PCDHA10: variants seen among roughly 807,000 people sequenced by gnomAD.
PCDHA10 encodes protocadherin alpha 10, also known as protocadherin alpha-10.
A neutral mutation model predicts 61.2 loss-of-function variants in PCDHA10; 45 were observed. The observed-to-expected ratio is 0.74, with a 90% CI of 0.58 to 0.94. The LOEUF is 0.94. Ranked by LOEUF, PCDHA10 falls within the 40% of genes least tolerant of loss-of-function variation. PCDHA10 has a pLI of 0.00. For synonymous variants in PCDHA10, 602 were observed against 548.8 expected (o/e 1.10, Z -1.35); for missense variants, 1,278 against 1,236.2 (o/e 1.03, Z -0.51).
intron 1 of PCDHA10, among the ~76,000 whole-genome samples, chr5:140,906,929 C>T (rs1488297059): frequency 3.9e-5 from 6 of 152,122 alleles, no homozygotes; most frequent in African/African-American, 9.7e-5. Flanking sequence ...AAAAGTGTCC[C>T]GGTGTCAATC....
At chr5:140,967,524 A>G in intron 1 of PCDHA10, 1 of 1,612,564 alleles carries the variant, frequency 6.2e-7, no homozygotes, top group Non-Finnish European at 8.5e-7. Context: ...ACTAACGACA[A>G]CTCTCCTGCC....
At chr5:140,867,183 G>A (rs1035791499) in intron 1 of PCDHA10, 3 of 151,946 alleles carry the variant, frequency 2.0e-5, no homozygotes, top group Non-Finnish European at 4.4e-5. Flanking sequence ...TCCCTACCTC[G>A]CAAGACTCCA....
At chr5:140,947,767 C>A (rs1585277827) in intron 1 of PCDHA10, among the ~76,000 whole-genome samples, 1 of 151,486 alleles carries the variant, frequency 6.6e-6, no homozygotes, top group East Asian at 1.9e-4. Context: ...TTAAAAAATT[C>A]TATTGTAAAT....
intron 1 of PCDHA10, chr5:140,870,246 C>T (rs782184125): frequency 1.9e-6 from 3 of 1,614,168 alleles, no homozygotes; most frequent in South Asian, 2.2e-5. Flanking sequence ...CAGGTGTCAA[C>T]GGACAGGTGA....
intron 1 of PCDHA10, chr5:140,927,132 G>C: frequency 6.2e-7 from 1 of 1,614,052 alleles, no homozygotes; most frequent in Non-Finnish European, 8.5e-7. Context: ...TCAGAGAGCC[G>C]GCGGACCGCG....
At chr5:140,885,107 T>G (rs2060471687) in intron 1 of PCDHA10, among the ~76,000 whole-genome samples, 1 of 152,238 alleles carries the variant, frequency 6.6e-6, no homozygotes, top group African/African-American at 2.4e-5. Context: ...TAAATGCTTT[T>G]TTTAAGTGCA....
chr5:140,876,928 A>G lies in PCDHA10; in HGVS notation c.2388+18492A>G, dbSNP rs188405716. On this transcript the variant is annotated intron_variant, in intron 1 of 3. Coordinates refer to ENST00000307360, the MANE Select transcript of PCDHA10 (RefSeq NM_018901.4). ...GTCGGCATGGGACGCGGACGCGCAG[A>G]AGAACGCGCTGGTGTCCTACTCGCT... The G allele has an allele frequency of 1.9e-5, 31 of 1,613,808 alleles. No individual in the cohort carries two copies. In the African/African-American group the frequency reaches 2.4e-4, roughly 12 times the overall value.
At chr5:140,941,506 G>A (rs556309408) in intron 1 of PCDHA10, among the ~76,000 whole-genome samples, 3 of 151,236 alleles carry the variant, frequency 2.0e-5, no homozygotes, top group Non-Finnish European at 4.4e-5. Flanking sequence ...TAGTAGAGAC[G>A]AGGTTTCACC....
At chr5:140,888,645 C>A (rs1275572541) in intron 1 of PCDHA10, among the ~76,000 whole-genome samples, 2 of 152,200 alleles carry the variant, frequency 1.3e-5, no homozygotes, top group African/African-American at 4.8e-5. Context: ...GCAATACTTT[C>A]CTGAGGACAC....
chr5:140,945,321 A>G (rs558331825), intron 1 of PCDHA10, among the ~76,000 whole-genome samples: 1 of 152,258 alleles, frequency 6.6e-6, no homozygotes, highest in Non-Finnish European at 1.5e-5. Flanking sequence ...AAATGGAAAT[A>G]TATTTTATGT....
At chr5:140,937,284 G>A (rs1473374286) in intron 1 of PCDHA10, among the ~76,000 whole-genome samples, 2 of 151,964 alleles carry the variant, frequency 1.3e-5, no homozygotes, top group South Asian at 2.1e-4. Context: ...TGATTCACCC[G>A]CTTCGGCCTC....
intron 1 of PCDHA10, among the ~76,000 whole-genome samples, chr5:140,954,317 G>A (rs571385484): frequency 2.6e-5 from 4 of 152,292 alleles, no homozygotes; most frequent in East Asian, 3.9e-4. Context: ...GGATTGCTGC[G>A]TCAAATGGTA....
chr5:140,886,327 A>G (rs2060943233), intron 1 of PCDHA10, among the ~76,000 whole-genome samples: 1 of 152,162 alleles, frequency 6.6e-6, no homozygotes, highest in Admixed American at 6.5e-5. Flanking sequence ...GTTCTGGGAT[A>G]CATGTGCAGA....
chr5:140,891,612 T>C (rs182874243), intron 1 of PCDHA10, among the ~76,000 whole-genome samples: 2 of 152,350 alleles, frequency 1.3e-5, no homozygotes, highest in Admixed American at 1.3e-4. Context: ...TTCTACCTTT[T>C]ATTTTAACAC....
chr5:140,981,794 T>G (rs1290588653), intron 2 of PCDHA10, among the ~76,000 whole-genome samples: 2 of 152,150 alleles, frequency 1.3e-5, no homozygotes, highest in Non-Finnish European at 2.9e-5. Flanking sequence ...CTCTTTTCCC[T>G]TGAACAGTTT....
At position 141,010,400 on chromosome 5, in the gene PCDHA10, T is replaced by C. The variant is rs145123720; in HGVS notation, c.*463T>C. 379 of 1,297,746 alleles carry C rather than the reference T, an allele frequency of 2.9e-4. No individual in the cohort carries two copies. Among genetic ancestry groups the C allele is most frequent in the Non-Finnish European group, 3.8e-4 (370 of 966,092 alleles). 80.4% of individuals were successfully genotyped at this position (1,297,746 alleles called of 1,614,324 possible). ...CAGATATTGGCTGAGACGAGCCAGC[T>C]TAGACTAATTGGTACAAGGAAGGCA... On this transcript the variant is annotated 3_prime_UTR_variant, in exon 4 of 4. Transcript: ENST00000307360.
intron 1 of PCDHA10, among the ~76,000 whole-genome samples, chr5:140,911,032 A>G (rs2075293448): frequency 6.6e-6 from 1 of 152,092 alleles, no homozygotes; most frequent in African/African-American, 2.4e-5. Flanking sequence ...TTATAGGTCT[A>G]GAAGCAAACA....
intron 1 of PCDHA10, among the ~76,000 whole-genome samples, chr5:140,950,273 T>G (rs1218178621): frequency 6.6e-5 from 10 of 152,008 alleles, no homozygotes; most frequent in African/African-American, 1.9e-4. Flanking sequence ...CCATAATGTC[T>G]TTTTGCTTCA....
At chr5:140,955,312 C>T (rs1022804259) in intron 1 of PCDHA10, among the ~76,000 whole-genome samples, 2 of 152,100 alleles carry the variant, frequency 1.3e-5, no homozygotes, top group Admixed American at 6.6e-5. Flanking sequence ...ACCCAAATCT[C>T]ACCTTGAATT....
Sources: gnomAD v4.1 joint callset for allele counts (sites outside exome capture counted in the v4.1 genomes callset) on GRCh38, gnomAD v4.1.1 for gene constraint, MANE v1.5 for transcripts, NCBI Gene and HGNC (gene_info 2026-07-23, HGNC 2026-07-21) for gene names.